Variants in LMCD1 observed in about 807,000 individuals in gnomAD.
LMCD1 encodes LIM and cysteine-rich domains protein 1.
A neutral mutation model predicts 42.7 loss-of-function variants in LMCD1; 32 were observed. The ratio of observed to expected loss-of-function variants is 0.75; its 90% CI spans 0.57 to 1.01. The LOEUF (loss-of-function observed/expected upper bound fraction) is 1.01. Among genes scored for constraint, LMCD1 ranks in the 50% least tolerant of loss-of-function variants. LMCD1 has a pLI of 0.00. For synonymous variants in LMCD1, 178 were observed against 184.9 expected, an observed-to-expected ratio of 0.96 and a Z score of 0.30; for missense variants, 458 against 483.1, an observed-to-expected ratio of 0.95 and a Z score of 0.49.
At chr3:8,555,134 C>A (rs1406730406) in intron 4 of LMCD1, among the ~76,000 whole-genome samples, 1 of 152,154 alleles carries the variant, frequency 6.6e-6, no homozygotes, top group Admixed American at 6.5e-5. Context: ...CCCTCTGCCC[C>A]ATTTCCCCAC....
chr3:8,550,666 G>A, intron 4 of LMCD1: 4 of 984,984 alleles, frequency 4.1e-6, no homozygotes, highest in Non-Finnish European at 3.6e-6. Flanking sequence ...AAGAATACAT[G>A]TCCTAAGGAT....
chr3:8,540,382 A>G (rs1231192500), intron 3 of LMCD1, among the ~76,000 whole-genome samples: 1 of 152,260 alleles, frequency 6.6e-6, no homozygotes, highest in Non-Finnish European at 1.5e-5. Context: ...ATCCATGCAC[A>G]ATCTCATCTA....
Position 8,569,550 on chromosome 3 carries a change from CTCAAGCAAATATTCTCACAAG to C in LMCD1, c.*1957_*1977del, listed in dbSNP as rs1486650273. On this transcript the variant is annotated 3_prime_UTR_variant, in exon 6 of 6. Transcript: ENST00000157600. ...GTTACGGTCTGTGGGGGAGATGGGC[CTCAAGCAAATATTCTCACAAG>C]TCAATGCAAAATTACACTACTGTGC... 6.6e-5 allele frequency: 10 copies of C among 152,254 alleles called. No individual in the cohort carries two copies. The highest frequency in any genetic ancestry group is 2.4e-4 in the African/African-American group (10 of 41,516). The allele number at this position is 152,254 out of a possible 1,614,324, so 9.4% of individuals were successfully genotyped here.
chr3:8,502,036 C>G, intron 1 of LMCD1, 56 bp downstream of exon 1: 2 of 1,509,828 alleles, frequency 1.3e-6, no homozygotes, highest in Non-Finnish European at 1.8e-6. Flanking sequence ...TGTTCCCCTT[C>G]CCATCTGTTC....
At chr3:8,566,525 G>A (rs902048335) in intron 5 of LMCD1, among the ~76,000 whole-genome samples, 1 of 152,164 alleles carries the variant, frequency 6.6e-6, no homozygotes, top group Non-Finnish European at 1.5e-5. Flanking sequence ...ACTGTCACAG[G>A]CCTGCCCTGG....
rs1221677247 is a variant in LMCD1 at position 8,573,446 on chromosome 3, C to A, written c.*5848C>A. On this transcript the variant is annotated 3_prime_UTR_variant, in exon 6 of 6. Coordinates refer to ENST00000157600, the MANE Select transcript of LMCD1 (RefSeq NM_014583.4). ...CAAGCCTGTCCCATGGAGACACAAG[C>A]AATAGTGACATGAGCACTTGACTCG... 1 of 152,106 alleles carries A rather than the reference C, an allele frequency of 6.6e-6. No homozygotes were observed. The highest frequency in any genetic ancestry group is 1.9e-4 in the East Asian group (1 of 5,190). 9.4% of individuals were successfully genotyped at this position (152,106 alleles called of 1,614,324 possible). A position where few individuals can be genotyped will look rare whatever the true frequency, so the allele number is the denominator to read the frequency against.
Position 8,555,071 on chromosome 3 carries a change from C to T in LMCD1, c.723+6168C>T, listed in dbSNP as rs138108305. ...AAGATGTTCCCCACAGTCATAAAAACGCGTGAATATGGTCCGAAATCATCC... is the reference window on the plus strand; with the variant it reads ...AAGATGTTCCCCACAGTCATAAAAATGCGTGAATATGGTCCGAAATCATCC... On this transcript the variant is annotated intron_variant, in intron 4 of 5. Transcript: ENST00000157600. Among the ~76,000 whole-genome samples the T allele has an allele frequency of 6.2e-4, 95 of 152,192 alleles. 1 individual carries two copies. The East Asian group carries it at 0.015, about 23-fold the overall frequency.
Position 8,502,126 on chromosome 3 carries a change from A to ATGTTTGAGC in LMCD1, c.42+148_42+156dup, listed in dbSNP as rs2125005103. 5.9e-6 allele frequency: 4 copies of ATGTTTGAGC among 674,682 alleles called. No individual in the cohort carries two copies. In the Admixed American group the frequency reaches 1.4e-4, roughly 23 times the overall value. The allele number at this position is 674,682 out of a possible 1,614,324, so 41.8% of individuals were successfully genotyped here. ...ATGGAAAACAAATAGTTGGGAATACATGTTTGAGCTAACAGGCACACACAC... is the reference window on the plus strand; with the variant it reads ...ATGGAAAACAAATAGTTGGGAATACATGTTTGAGCTGTTTGAGCTAACAGGCACACACAC... On this transcript the variant is annotated intron_variant, in intron 1 of 5. Transcript: ENST00000157600.
At chr3:8,555,887 A>G (rs753935385) in intron 4 of LMCD1, among the ~76,000 whole-genome samples, 12 of 152,166 alleles carry the variant, frequency 7.9e-5, no homozygotes, top group Non-Finnish European at 1.8e-4. Context: ...TAAAGCCGCC[A>G]TAGGCAATAT....
intron 1 of LMCD1, among the ~76,000 whole-genome samples, chr3:8,532,180 C>A (rs1469448196): frequency 6.6e-6 from 1 of 152,222 alleles, no homozygotes. Flanking sequence ...CTGTCTCATG[C>A]ATTGTTCTCC....
At chr3:8,539,795 T>TTTA (rs71049735) in intron 3 of LMCD1, among the ~76,000 whole-genome samples, 36,744 of 139,580 alleles carry the variant, frequency 0.26, 4,945 homozygotes, top group Non-Finnish European at 0.3. Flanking sequence ...TCCCAACATT[T>TTTA]TTATTATTAT....
intron 1 of LMCD1, among the ~76,000 whole-genome samples, chr3:8,523,593 G>T (rs375709962): frequency 6.6e-6 from 1 of 152,258 alleles, no homozygotes; most frequent in African/African-American, 2.4e-5. Context: ...AAGCCCTAGC[G>T]TGGGGGCTTC....
chr3:8,544,550 C>T (rs1401731399), intron 3 of LMCD1, among the ~76,000 whole-genome samples: 1 of 152,124 alleles, frequency 6.6e-6, no homozygotes, highest in African/African-American at 2.4e-5. Context: ...TGCCTTTCCC[C>T]TTTCTATGCT....
At chr3:8,526,810 A>C (rs948709765) in intron 1 of LMCD1, among the ~76,000 whole-genome samples, 2 of 152,230 alleles carry the variant, frequency 1.3e-5, no homozygotes, top group African/African-American at 4.8e-5. Context: ...CACAAATCCT[A>C]GTACTTGTTA....
chr3:8,542,256 C>T (rs1694641687), intron 3 of LMCD1, among the ~76,000 whole-genome samples: 2 of 152,198 alleles, frequency 1.3e-5, no homozygotes, highest in South Asian at 4.1e-4. Context: ...CCCGCCTTGG[C>T]CTCCCAAAGT....
intron 4 of LMCD1, chr3:8,550,648 T>C (rs1449082718): frequency 2.0e-6 from 2 of 985,130 alleles, no homozygotes; most frequent in South Asian, 9.4e-5. Context: ...AAAGGCCCAT[T>C]TCTCAGGAAG....
intron 2 of LMCD1, among the ~76,000 whole-genome samples, chr3:8,536,079 C>T (rs964664833): frequency 2.0e-5 from 3 of 152,184 alleles, no homozygotes; most frequent in Non-Finnish European, 4.4e-5. Context: ...TTGTGATATT[C>T]GATCAGACGT....
intron 4 of LMCD1, among the ~76,000 whole-genome samples, chr3:8,561,385 T>G (rs1425255692): frequency 7.8e-5 from 11 of 141,718 alleles, no homozygotes; most frequent in South Asian, 2.1e-4. Flanking sequence ...CACAGAGTTT[T>G]TTTTTTTTTT....
chr3:8,550,798 C>T, intron 4 of LMCD1: 2 of 985,260 alleles, frequency 2.0e-6, no homozygotes, highest in Non-Finnish European at 2.4e-6. Flanking sequence ...ACCCTAAATA[C>T]TAGATAATTC....
Sources: allele counts gnomAD v4.1 joint callset (sites outside exome capture counted in the v4.1 genomes callset), GRCh38; gene constraint gnomAD v4.1.1; transcripts MANE v1.5; gene names NCBI Gene and HGNC (gene_info 2026-07-23, HGNC 2026-07-21).